SH3RF3: variants seen among roughly 807,000 people sequenced by gnomAD.
SH3RF3 encodes the protein SH3 domain containing ring finger 3, also known as E3 ubiquitin-protein ligase SH3RF3.
Under a neutral mutation model 66.3 loss-of-function variants are expected in SH3RF3, and 29 were observed. The ratio of observed to expected loss-of-function variants is 0.44; its 90% CI spans 0.33 to 0.60. SH3RF3 has a LOEUF of 0.60. Ranked by LOEUF, SH3RF3 falls within the 20% of genes least tolerant of loss-of-function variation. The pLI is 0.04. For synonymous variants in SH3RF3, 583 were observed against 532.0 expected (o/e 1.10, Z -1.32); for missense variants, 1,194 against 1,190.9 (o/e 1.00, Z -0.04).
At chr2:109,345,723 G>A (rs1210017347) in intron 1 of SH3RF3, among the ~76,000 whole-genome samples, 1 of 152,050 alleles carries the variant, frequency 6.6e-6, no homozygotes, top group African/African-American at 2.4e-5. Flanking sequence ...TAAAGTATTC[G>A]TAGACTAAGT....
chr2:109,449,523 G>A (rs777564903), intron 8 of SH3RF3, 34 bp downstream of exon 8: 40 of 1,600,270 alleles, frequency 2.5e-5, no homozygotes, highest in Non-Finnish European at 3.3e-5. Flanking sequence ...CCCTGGGCTC[G>A]AGGCCAGCTG....
chr2:109,416,742 A>T (rs1676733743), intron 4 of SH3RF3, among the ~76,000 whole-genome samples: 1 of 151,802 alleles, frequency 6.6e-6, no homozygotes, highest in South Asian at 2.1e-4. Context: ...TACAACAACA[A>T]CAACGAACAA....
At chr2:109,486,064 C>T (rs1678969001) in intron 8 of SH3RF3, among the ~76,000 whole-genome samples, 1 of 152,232 alleles carries the variant, frequency 6.6e-6, no homozygotes, top group African/African-American at 2.4e-5. Context: ...CATGTGTGTC[C>T]CTGGCTGGGG....
intron 1 of SH3RF3, among the ~76,000 whole-genome samples, chr2:109,227,612 C>T (rs1679401212): frequency 6.6e-6 from 1 of 152,182 alleles, no homozygotes; most frequent in Non-Finnish European, 1.5e-5. Context: ...GTGGGAGATT[C>T]CCCTGGATCT....
intron 1 of SH3RF3, among the ~76,000 whole-genome samples, chr2:109,201,155 TC>T (rs1159531325): frequency 1.3e-5 from 2 of 152,222 alleles, no homozygotes; most frequent in African/African-American, 2.4e-5. Context: ...TCACACGTCT[TC>T]CTTCCGGCGG....
intron 1 of SH3RF3, among the ~76,000 whole-genome samples, chr2:109,289,165 G>GTC (rs943501740): frequency 1.1e-4 from 16 of 151,794 alleles, no homozygotes; most frequent in African/African-American, 3.4e-4. Context: ...TCCATCCCCT[G>GTC]TCTCTCTCTC....
chr2:109,360,629 T>G (rs1683034799), intron 2 of SH3RF3, among the ~76,000 whole-genome samples: 1 of 152,232 alleles, frequency 6.6e-6, no homozygotes. Context: ...ATACTCAGCC[T>G]GTATATAGGA....
chr2:109,346,498 G>A (rs554318140), intron 1 of SH3RF3, among the ~76,000 whole-genome samples: 64 of 152,210 alleles, frequency 4.2e-4, no homozygotes, highest in East Asian at 3.3e-3. Context: ...ATTGACACCC[G>A]AACAATGCAA....
At chr2:109,206,261 T>C (rs1678835063) in intron 1 of SH3RF3, among the ~76,000 whole-genome samples, 1 of 151,538 alleles carries the variant, frequency 6.6e-6, no homozygotes. Flanking sequence ...GAGGCTGAAG[T>C]GGGCAGATCA....
chr2:109,489,883 A>AT (rs2104378951), intron 8 of SH3RF3, among the ~76,000 whole-genome samples: 1 of 152,250 alleles, frequency 6.6e-6, no homozygotes, highest in East Asian at 1.9e-4. Context: ...GATTACAGGC[A>AT]AGTGCCACCA....
At chr2:109,314,311 A>C (rs1243017285) in intron 1 of SH3RF3, among the ~76,000 whole-genome samples, 1 of 152,214 alleles carries the variant, frequency 6.6e-6, no homozygotes, top group African/African-American at 2.4e-5. Flanking sequence ...GGTTAAACTG[A>C]TAAATCCTCA....
chr2:109,479,252 G>T (rs1306721722), intron 8 of SH3RF3, among the ~76,000 whole-genome samples: 2 of 152,130 alleles, frequency 1.3e-5, no homozygotes, highest in African/African-American at 4.8e-5. Context: ...CAAGAGGTCT[G>T]CCCAGCACAC....
chr2:109,433,493 C>G lies in SH3RF3; in HGVS notation c.1574+822C>G, dbSNP rs550335130. ...TATCAGTCAGCCTCACTCACAGAAGCCCCTCGTGGGCACGGCCCTGTGTTG... is the reference window on the plus strand; with the variant it reads ...TATCAGTCAGCCTCACTCACAGAAGGCCCTCGTGGGCACGGCCCTGTGTTG... On this transcript the variant is annotated intron_variant, in intron 6 of 9. Coordinates refer to ENST00000309415, the MANE Select transcript of SH3RF3 (RefSeq NM_001099289.3). Among the ~76,000 whole-genome samples the G allele has an allele frequency of 2.1e-3, 322 of 152,332 alleles. 2 individuals carry two copies. The highest frequency in any genetic ancestry group is 1.9e-3 in the Non-Finnish European group (127 of 68,030).
At chr2:109,315,260 C>T (rs1015642312) in intron 1 of SH3RF3, among the ~76,000 whole-genome samples, 3 of 152,192 alleles carry the variant, frequency 2.0e-5, no homozygotes, top group African/African-American at 7.2e-5. Flanking sequence ...GGCAGAAAGA[C>T]GTGCCCACTG....
chr2:109,357,417 G>A (rs888494129), intron 2 of SH3RF3, among the ~76,000 whole-genome samples: 1 of 152,112 alleles, frequency 6.6e-6, no homozygotes, highest in Non-Finnish European at 1.5e-5. Context: ...TCCTGACCTC[G>A]TGATCCACCC....
rs891160802 is a variant in SH3RF3, at chr2:109,345,327, G to A, written c.574-2347G>A. Among the ~76,000 whole-genome samples, 4 of 152,318 alleles carry A rather than the reference G, an allele frequency of 2.6e-5. No individual in the cohort carries two copies. In the East Asian group the frequency reaches 5.8e-4, roughly 22 times the overall value. On this transcript the variant is annotated intron_variant, in intron 1 of 9. Coordinates refer to ENST00000309415, the MANE Select transcript of SH3RF3 (RefSeq NM_001099289.3). ...GAAACACAGTGTCCCCTTCTCGGGG[G>A]CATTGCAGGGAGATGTGTGTGCTCA...
intron 2 of SH3RF3, among the ~76,000 whole-genome samples, chr2:109,352,406 A>G: frequency 6.6e-6 from 1 of 152,188 alleles, no homozygotes; most frequent in South Asian, 2.1e-4. Context: ...GCCTGGGGGT[A>G]GCGGAGCTGA....
At chr2:109,375,054 G>T (rs1047392749) in intron 3 of SH3RF3, among the ~76,000 whole-genome samples, 1 of 152,176 alleles carries the variant, frequency 6.6e-6, no homozygotes, top group Non-Finnish European at 1.5e-5. Context: ...GGTGGACCCC[G>T]CCCTGGACAT....
intron 2 of SH3RF3, among the ~76,000 whole-genome samples, chr2:109,352,151 G>A (rs1010258903): frequency 6.6e-6 from 1 of 152,146 alleles, no homozygotes; most frequent in Non-Finnish European, 1.5e-5. Context: ...ATGAGCAAAG[G>A]CATTTTAAAA....
Sources: gnomAD v4.1 joint callset for allele counts (sites outside exome capture counted in the v4.1 genomes callset) on GRCh38, gnomAD v4.1.1 for gene constraint, MANE v1.5 for transcripts, NCBI Gene and HGNC (gene_info 2026-07-23, HGNC 2026-07-21) for gene names.